DNM2: variants seen among roughly 807,000 people sequenced by gnomAD.
The protein encoded by DNM2 is dynamin-2.
DNM2 carries 15 observed loss-of-function variants against 99.0 expected under a neutral mutation model. The observed-to-expected ratio is 0.15, with a 90% CI of 0.10 to 0.23. DNM2 has a LOEUF of 0.23. Among genes scored for constraint, DNM2 ranks in the 10% least tolerant of loss-of-function variants. DNM2 has a pLI of 1.00. For missense variants in DNM2, 742 were observed against 1,189.4 expected (o/e 0.62, Z 5.53); for synonymous variants, 525 against 481.2 (o/e 1.09, Z -1.19).
chr19:10,824,407 C>G, intron 17 of DNM2: 1 of 204,968 alleles, frequency 4.9e-6, no homozygotes, highest in Non-Finnish European at 1.0e-5. Flanking sequence ...GAGGCTTAGG[C>G]AGGAGATCGC....
chr19:10,784,710 C>G (rs190131111), intron 6 of DNM2, among the ~76,000 whole-genome samples: 2 of 152,038 alleles, frequency 1.3e-5, no homozygotes, highest in African/African-American at 4.8e-5. Flanking sequence ...CCCTTGGTCA[C>G]GGAGGTCTTT....
chr19:10,829,377 C>T (rs896647750), intron 19 of DNM2, 109 bp downstream of exon 19: 36 of 1,386,280 alleles, frequency 2.6e-5, no homozygotes, highest in Non-Finnish European at 1.7e-5. Context: ...CCAAGGGTGG[C>T]ACCCAGGGCT....
chr19:10,787,435 C>T (rs367919781), intron 7 of DNM2, among the ~76,000 whole-genome samples: 29 of 150,240 alleles, frequency 1.9e-4, no homozygotes, highest in African/African-American at 6.9e-4. Flanking sequence ...TGCGCAACTT[C>T]ACTCCAGCCT....
chr19:10,779,246 A>G (rs1317337757), intron 5 of DNM2, among the ~76,000 whole-genome samples: 2 of 151,120 alleles, frequency 1.3e-5, no homozygotes, highest in Non-Finnish European at 2.9e-5. Flanking sequence ...TTTTTCAAGC[A>G]TTTTATTTTA....
At chr19:10,776,054 A>T in intron 4 of DNM2, 148 bp downstream of exon 4, 1 of 1,052,944 alleles carries the variant, frequency 9.5e-7, no homozygotes, top group Non-Finnish European at 1.4e-6. Flanking sequence ...TTCCTCCGAG[A>T]ACCAGCAGTG....
intron 7 of DNM2, among the ~76,000 whole-genome samples, chr19:10,791,607 C>G (rs1266410003): frequency 6.6e-6 from 1 of 152,180 alleles, no homozygotes; most frequent in Non-Finnish European, 1.5e-5. Context: ...GCCTGTAAAT[C>G]ACCTCCAGGG....
At chr19:10,733,961 T>C (rs2069428338) in intron 1 of DNM2, among the ~76,000 whole-genome samples, 1 of 151,158 alleles carries the variant, frequency 6.6e-6, no homozygotes, top group Admixed American at 6.6e-5. Context: ...TGAGCCGAGA[T>C]CGCGCCACTG....
intron 17 of DNM2, chr19:10,824,782 C>T (rs1301333390): frequency 2.1e-6 from 1 of 482,864 alleles, no homozygotes; most frequent in East Asian, 3.9e-5. Context: ...GCACTGCAGC[C>T]TGGGTGACAT....
In DNM2 at chr19:10,789,533, G is replaced by GAA. The variant is rs1001386123; in HGVS notation, c.992+2840_992+2841dup. Among the ~76,000 whole-genome samples the GAA allele has an allele frequency of 3.7e-3, 502 of 136,788 alleles. 2 individuals carry two copies. Among genetic ancestry groups the GAA allele is most frequent in the African/African-American group, 0.013 (485 of 37,210 alleles). 89.7% of individuals were successfully genotyped at this position (136,788 alleles called of 152,430 possible). A position where few individuals can be genotyped will look rare whatever the true frequency, so the allele number is the denominator to read the frequency against. On this transcript the variant is annotated intron_variant, in intron 7 of 20. Coordinates refer to ENST00000389253, the MANE Select transcript of DNM2 (RefSeq NM_001005361.3). ...AGTGGGATCCTGTCTCTGAAATTAA[G>GAA]AAAAAAAAAAAAAATTAGGCTGGGG...
Position 10,820,148 on chromosome 19 carries a change from C to A in DNM2, c.1781+59C>A. The A allele has an allele frequency of 6.6e-7, 1 of 1,523,002 alleles. No homozygotes were observed. Among genetic ancestry groups the A allele is most frequent in the Non-Finnish European group, 9.1e-7 (1 of 1,098,952 alleles). The allele number at this position is 1,523,002 out of a possible 1,614,324, so 94.3% of individuals were successfully genotyped here. A position where few individuals can be genotyped will look rare whatever the true frequency, so the allele number is the denominator to read the frequency against. On this transcript the variant is annotated intron_variant, in intron 16 of 20. Transcript: ENST00000389253. The surrounding 1 kb of genome is among the most constrained non-coding windows in gnomAD (Gnocchi z 4.3). ...GTGAAGACCAATGGCCTCATTCACA[C>A]TCCACAACCTTCACTGAGCACTGAG... is the stretch of plus-strand genomic sequence containing the variant.
Position 10,798,311 on chromosome 19 carries a change from C to T in DNM2, c.1336-175C>T, listed in dbSNP as rs529672741. 7.8e-5 allele frequency: 50 copies of T among 644,610 alleles called. No homozygotes were observed. The South Asian group carries it at 8.1e-4, about 10-fold the overall frequency. 39.9% of individuals were successfully genotyped at this position (644,610 alleles called of 1,614,324 possible). On this transcript the variant is annotated intron_variant, in intron 10 of 20. Coordinates refer to ENST00000389253, the MANE Select transcript of DNM2 (RefSeq NM_001005361.3). ...GTCTCCGGTCCACGGTGCCCCCACT[C>T]TTCTGCTCTTAGCTCCCAGCTGGAC... is the stretch of plus-strand genomic sequence containing the variant.
At chr19:10,784,517 G>C (rs550086667) in intron 6 of DNM2, among the ~76,000 whole-genome samples, 1 of 152,194 alleles carries the variant, frequency 6.6e-6, no homozygotes, top group East Asian at 1.9e-4. Context: ...GGAGCCTGGA[G>C]GGGGCTCAGC....
intron 11 of DNM2, among the ~76,000 whole-genome samples, chr19:10,798,961 C>T (rs2072036183): frequency 6.6e-6 from 1 of 152,214 alleles, no homozygotes; most frequent in Non-Finnish European, 1.5e-5. Flanking sequence ...TGTAGTAACT[C>T]ACGCCTGTAA....
chr19:10,782,505 C>G (rs549708714), intron 5 of DNM2, among the ~76,000 whole-genome samples: 6 of 151,988 alleles, frequency 3.9e-5, no homozygotes, highest in Non-Finnish European at 8.8e-5. Flanking sequence ...ACTATAGTCA[C>G]GCGCCACCAT....
At chr19:10,759,014 T>C (rs2070524354) in intron 1 of DNM2, among the ~76,000 whole-genome samples, 1 of 151,992 alleles carries the variant, frequency 6.6e-6, no homozygotes. Context: ...CAGTCATGGC[T>C]CTGTACAACC....
At chr19:10,725,461 A>AT (rs57280194) in intron 1 of DNM2, among the ~76,000 whole-genome samples, 1 of 150,262 alleles carries the variant, frequency 6.7e-6, no homozygotes, top group Non-Finnish European at 1.5e-5. Context: ...AAAAAAAAAA[A>AT]GGAAAAAAGG....
intron 15 of DNM2, 65 bp from the exon 16 acceptor site, chr19:10,819,915 T>C: frequency 6.7e-7 from 1 of 1,494,136 alleles, no homozygotes; most frequent in Non-Finnish European, 9.3e-7. Context: ...CTACACGCTC[T>C]GGCCTGGGGC....
rs910249261 is a variant in DNM2, at chr19:10,765,845, C to A, written c.235+6034C>A. On this transcript the variant is annotated intron_variant, in intron 2 of 20. Transcript: ENST00000389253. This position sits in a 1 kb window ranked among gnomAD's most constrained non-coding sequence, Gnocchi z 4.4. ...AGATCTCCTCTCCTTGCCTTCAGGG[C>A]CAGCCTCGTCATTGTGTTCTTTGCT... 1.2e-4 allele frequency among the ~76,000 whole-genome samples: 19 copies of A among 152,274 alleles called. No homozygotes were observed. Among genetic ancestry groups the A allele is most frequent in the Admixed American group, 1.2e-3 (19 of 15,296 alleles).
chr19:10,791,058 G>A (rs1046471468), intron 7 of DNM2, among the ~76,000 whole-genome samples: 3 of 151,918 alleles, frequency 2.0e-5, no homozygotes, highest in Non-Finnish European at 4.4e-5. Context: ...GAACCACCAC[G>A]CCTGGCCTTG....
Sources: allele counts gnomAD v4.1 joint callset (sites outside exome capture counted in the v4.1 genomes callset), GRCh38; gene constraint gnomAD v4.1.1; non-coding constraint Gnocchi (gnomAD v3.1); transcripts MANE v1.5; gene names NCBI Gene and HGNC (gene_info 2026-07-23, HGNC 2026-07-21).